ZC3H12B: variants seen among roughly 807,000 people sequenced by gnomAD.
ZC3H12B encodes the protein probable ribonuclease ZC3H12B.
Under a neutral mutation model 43.9 loss-of-function variants are expected in ZC3H12B, and 7 were observed. The ratio of observed to expected loss-of-function variants is 0.16; its 90% CI spans 0.09 to 0.30. ZC3H12B has a LOEUF of 0.30. ZC3H12B is among the 10% of genes least tolerant of loss of function. The pLI is 1.00. For missense variants in ZC3H12B, 475 were observed against 670.2 expected (o/e 0.71, Z 3.22); for synonymous variants, 222 against 241.7 (o/e 0.92, Z 0.76).
At chrX:65,307,289 G>A in the ZC3H12B span, among the ~76,000 whole-genome samples, 1 of 111,771 alleles carries the variant, frequency 8.9e-6, no homozygotes, top group Non-Finnish European at 1.9e-5. Context: ...AACTCAAAAA[G>A]CAGAGATATG....
chrX:65,092,796 G>A, the ZC3H12B span, among the ~76,000 whole-genome samples: 4 of 112,264 alleles, frequency 3.6e-5, no homozygotes, highest in African/African-American at 1.3e-4. Flanking sequence ...AAAATGTGCA[G>A]CCTGACCATG....
At chrX:65,184,388 T>C in the ZC3H12B span, among the ~76,000 whole-genome samples, 1 of 111,485 alleles carries the variant, frequency 9.0e-6, no homozygotes, top group African/African-American at 3.3e-5. Flanking sequence ...AGAGCAACAT[T>C]GCTGTGGGTT....
At chrX:65,195,479 G>T in the ZC3H12B span, among the ~76,000 whole-genome samples, 1 of 111,443 alleles carries the variant, frequency 9.0e-6, no homozygotes, top group Non-Finnish European at 1.9e-5. Context: ...TTCATACCCT[G>T]CTTTTTAACT....
At chrX:65,263,198 A>G in the ZC3H12B span, among the ~76,000 whole-genome samples, 6 of 111,549 alleles carry the variant, frequency 5.4e-5, no homozygotes, top group Admixed American at 4.8e-4. Flanking sequence ...ATAAATAGTC[A>G]TGCTATTATC....
the ZC3H12B span, among the ~76,000 whole-genome samples, chrX:65,108,926 C>A: frequency 1.8e-5 from 2 of 111,076 alleles, no homozygotes; most frequent in African/African-American, 6.5e-5. Context: ...GGACCACCAT[C>A]GTATATGTGA....
chrX:65,070,076 TTTTG>T, the ZC3H12B span, among the ~76,000 whole-genome samples: 109 of 108,853 alleles, frequency 1.0e-3, no homozygotes, highest in East Asian at 0.016. Context: ...AATCAGGGCT[TTTTG>T]TTTGTTTGTA....
At chrX:65,505,090 G>T (rs2068412490) in exon 5 of ZC3H12B, 1 of 111,477 alleles carries the variant, frequency 9.0e-6, no homozygotes, top group Admixed American at 9.6e-5. Context: ...GGTGTTTATT[G>T]TTTTTTTTAA....
the ZC3H12B span, among the ~76,000 whole-genome samples, chrX:65,236,104 G>T: frequency 1.8e-5 from 2 of 111,905 alleles, no homozygotes; most frequent in Non-Finnish European, 3.8e-5. Flanking sequence ...TTTGTAAAAG[G>T]TATCTATCAG....
chrX:65,226,635 C>G, the ZC3H12B span, among the ~76,000 whole-genome samples: 2 of 110,963 alleles, frequency 1.8e-5, no homozygotes, highest in Non-Finnish European at 1.9e-5. Flanking sequence ...TTCAGGAAAC[C>G]CATCTCACGT....
the ZC3H12B span, among the ~76,000 whole-genome samples, chrX:65,224,405 G>A: frequency 1.2e-4 from 13 of 112,363 alleles, no homozygotes; most frequent in African/African-American, 3.9e-4. Context: ...CAAGATGGCC[G>A]AATAGGAACA....
rs2066506851 is a variant in ZC3H12B, at chrX:65,385,306, G to T, written n.296-13287G>T. ...GCATGGAATGTTCTTCCATTTGTTTGTGTCCTCTTTTATTTCTTTGAGCAG... is the reference window on the plus strand; with the variant it reads ...GCATGGAATGTTCTTCCATTTGTTTTTGTCCTCTTTTATTTCTTTGAGCAG... On this transcript the variant is annotated intron_variant and non_coding_transcript_variant, in intron 2 of 5. Transcript: ENST00000617377. Among the ~76,000 whole-genome samples, 3 of 111,872 alleles carry T rather than the reference G, an allele frequency of 2.7e-5. No individual in the cohort carries two copies. The South Asian group carries it at 1.1e-3, about 42-fold the overall frequency.
At chrX:65,311,133 A>G in the ZC3H12B span, among the ~76,000 whole-genome samples, 3 of 112,426 alleles carry the variant, frequency 2.7e-5, no homozygotes, top group Non-Finnish European at 5.6e-5. Context: ...AACAAAGGCC[A>G]AAATAGACAA....
the ZC3H12B span, among the ~76,000 whole-genome samples, chrX:65,065,378 T>C: frequency 8.9e-6 from 1 of 111,791 alleles, no homozygotes; most frequent in Admixed American, 9.5e-5. Flanking sequence ...CTGGAAATGA[T>C]TTTATTTCTC....
the ZC3H12B span, among the ~76,000 whole-genome samples, chrX:65,253,936 T>A: frequency 8.9e-6 from 1 of 112,087 alleles, no homozygotes; most frequent in Admixed American, 9.4e-5. Flanking sequence ...TTCCTGCCAG[T>A]TCAGGTCTTC....
At chrX:65,439,019 G>C (rs1186515930) in intron 3 of ZC3H12B, among the ~76,000 whole-genome samples, 1 of 112,315 alleles carries the variant, frequency 8.9e-6, no homozygotes, top group Non-Finnish European at 1.9e-5. Context: ...TCAGGAGTCG[G>C]GATCCACATC....
the ZC3H12B span, among the ~76,000 whole-genome samples, chrX:65,325,872 A>T: frequency 1.4e-3 from 153 of 111,901 alleles, no homozygotes; most frequent in African/African-American, 4.7e-3. Context: ...AACAGACTAT[A>T]CAGCCCAGAA....
At chrX:65,326,009 C>T in the ZC3H12B span, among the ~76,000 whole-genome samples, 1 of 111,426 alleles carries the variant, frequency 9.0e-6, no homozygotes, top group East Asian at 2.8e-4. Context: ...ATATACAAAA[C>T]AATAAAATTT....
chrX:65,323,783 T>C, the ZC3H12B span, among the ~76,000 whole-genome samples: 1 of 112,093 alleles, frequency 8.9e-6, no homozygotes, highest in South Asian at 3.7e-4. Context: ...TCTTCCACAA[T>C]GGTTGAACTA....
chrX:65,152,722 G>GA, the ZC3H12B span, among the ~76,000 whole-genome samples: 432 of 111,251 alleles, frequency 3.9e-3, no homozygotes, highest in African/African-American at 0.013. Context: ...CACAGAATTG[G>GA]AAAAAACTAC....
Sources: allele counts gnomAD v4.1 joint callset (sites outside exome capture counted in the v4.1 genomes callset), GRCh38; gene constraint gnomAD v4.1.1; transcripts MANE v1.5; gene names NCBI Gene and HGNC (gene_info 2026-07-23, HGNC 2026-07-21).